The following ITPR1 variants were observed in gnomAD, a reference collection of about 807,000 sequenced individuals.
ITPR1 encodes the protein inositol 1,4,5-trisphosphate-gated calcium channel ITPR1.
A neutral mutation model predicts 318.4 loss-of-function variants in ITPR1; 96 were observed. That is an observed-to-expected ratio of 0.30 (90% CI 0.26 to 0.36). The LOEUF (loss-of-function observed/expected upper bound fraction) is 0.36, where lower values mean the gene tolerates loss of function less well. Ranked by LOEUF, ITPR1 falls within the 10% of genes least tolerant of loss-of-function variation. The probability of loss-of-function intolerance (pLI) is 1.00; values close to 1 mark genes in which losing one functional copy is unlikely to be tolerated. For synonymous variants in ITPR1, 1,312 were observed against 1,289.9 expected (o/e 1.02, Z -0.37); for missense variants, 2,440 against 3,460.2 (o/e 0.71, Z 7.40).
At chr3:4,509,355 G>A (rs556874169) in intron 2 of ITPR1, among the ~76,000 whole-genome samples, 1 of 152,326 alleles carries the variant, frequency 6.6e-6, no homozygotes, top group South Asian at 2.1e-4. Flanking sequence ...ATAAAAGTTA[G>A]AGTATCTTTC....
intron 2 of ITPR1, among the ~76,000 whole-genome samples, chr3:4,494,720 G>C (rs965186437): frequency 6.6e-6 from 1 of 152,212 alleles, no homozygotes; most frequent in Non-Finnish European, 1.5e-5. Context: ...AGAATTGAAG[G>C]AGCCTGAAAG....
chr3:4,720,412 G>A (rs141745186), intron 40 of ITPR1, among the ~76,000 whole-genome samples: 4 of 152,314 alleles, frequency 2.6e-5, no homozygotes, highest in African/African-American at 7.2e-5. Context: ...GCTTTCCTAT[G>A]CTTTAAAGTG....
chr3:4,808,597 T>C (rs1381862182), intron 55 of ITPR1, among the ~76,000 whole-genome samples: 1 of 152,230 alleles, frequency 6.6e-6, no homozygotes, highest in Non-Finnish European at 1.5e-5. Flanking sequence ...GTGTGGACCT[T>C]GACTTGTTTG....
At chr3:4,834,201 A>C (rs1173089972) in intron 60 of ITPR1, among the ~76,000 whole-genome samples, 2 of 152,180 alleles carry the variant, frequency 1.3e-5, no homozygotes, top group Non-Finnish European at 2.9e-5. Flanking sequence ...CCTGTTAAAA[A>C]GAAAATCTAG....
At chr3:4,841,610 C>G (rs2051350180) in intron 61 of ITPR1, among the ~76,000 whole-genome samples, 1 of 152,172 alleles carries the variant, frequency 6.6e-6, no homozygotes, top group African/African-American at 2.4e-5. Context: ...TATAATTAAA[C>G]TTGGTGAGTG....
At chr3:4,670,982 G>C in intron 20 of ITPR1, 56 bp downstream of exon 20, 1 of 1,261,916 alleles carries the variant, frequency 7.9e-7, no homozygotes, top group South Asian at 1.9e-5. Context: ...GTGGCACTTA[G>C]GAATTTGTTG....
At chr3:4,674,048 T>C (rs1025938228) in intron 21 of ITPR1, among the ~76,000 whole-genome samples, 154 bp from the exon 22 acceptor site, 1 of 152,100 alleles carries the variant, frequency 6.6e-6, no homozygotes, top group African/African-American at 2.4e-5. Context: ...CTCAAATATA[T>C]AGTTGGTGAT....
intron 44 of ITPR1, among the ~76,000 whole-genome samples, chr3:4,738,157 A>ATAGTTTACAT (rs1389319771): frequency 6.6e-5 from 10 of 152,240 alleles, no homozygotes; most frequent in Non-Finnish European, 1.5e-4. Context: ...GATAAACCCC[A>ATAGTTTACAT]GTGACACAAG....
chr3:4,561,825 A>G lies in ITPR1; in HGVS notation c.163+40731A>G, dbSNP rs200588180. Among the ~76,000 whole-genome samples the G allele has an allele frequency of 6.6e-5, 10 of 152,234 alleles. No individual in the cohort carries two copies. The East Asian group carries it at 1.9e-3, about 29-fold the overall frequency. On this transcript the variant is annotated intron_variant, in intron 4 of 61. Coordinates refer to ENST00000649015, the MANE Select transcript of ITPR1 (RefSeq NM_001378452.1). Reference sequence around the variant, plus strand: ...AACTATTTTAAAATATAAACAGATAACTGTTTGTTTTGCTCAAAGGTCACA... The same window carrying G: ...AACTATTTTAAAATATAAACAGATAGCTGTTTGTTTTGCTCAAAGGTCACA...
Position 4,665,312 on chromosome 3 carries a change from T to C in ITPR1, c.1713+16T>C, listed in dbSNP as rs367971785. 1.1e-5 allele frequency: 18 copies of C among 1,590,206 alleles called. No individual in the cohort carries two copies. The East Asian group carries it at 3.8e-4, about 34-fold the overall frequency. ...GAAGAACCAGGTTTGGATTAAGCATTGGTGGGATGTGGTTGTCAGTTTCCT... is the reference window on the plus strand; with the variant it reads ...GAAGAACCAGGTTTGGATTAAGCATCGGTGGGATGTGGTTGTCAGTTTCCT... On this transcript the variant is annotated intron_variant, in intron 17 of 61. Transcript: ENST00000649015.
At chr3:4,579,072 G>T (rs750990944) in intron 4 of ITPR1, among the ~76,000 whole-genome samples, 1 of 152,172 alleles carries the variant, frequency 6.6e-6, no homozygotes, top group Admixed American at 6.5e-5. Flanking sequence ...CACCATTTGG[G>T]TATTGACTTA....
chr3:4,512,736 G>A (rs183740297), intron 2 of ITPR1, among the ~76,000 whole-genome samples: 51 of 152,258 alleles, frequency 3.3e-4, no homozygotes, highest in African/African-American at 1.2e-3. Flanking sequence ...TGCTTTTCAA[G>A]CATTATTTCA....
chr3:4,625,241 C>T (rs1169244710), intron 4 of ITPR1, among the ~76,000 whole-genome samples: 3 of 143,582 alleles, frequency 2.1e-5, no homozygotes, highest in African/African-American at 7.7e-5. Flanking sequence ...TTTTTCTGAA[C>T]AGTCTCAGGT....
chr3:4,684,230 CAGT>C, intron 28 of ITPR1, 48 bp from the exon 29 acceptor site: 3 of 1,222,838 alleles, frequency 2.5e-6, no homozygotes, highest in Non-Finnish European at 3.6e-6. Flanking sequence ...AAAAAACTGA[CAGT>C]AGCCCAAGAG....
At chr3:4,730,346 C>CA (rs571957308) in intron 42 of ITPR1, among the ~76,000 whole-genome samples, 1,761 of 110,056 alleles carry the variant, frequency 0.016, 54 homozygotes, top group African/African-American at 0.054. Flanking sequence ...TAATTAAAAG[C>CA]AAAAAAAAAA....
At chr3:4,780,935 C>A (rs906761823) in intron 49 of ITPR1, among the ~76,000 whole-genome samples, 1 of 152,206 alleles carries the variant, frequency 6.6e-6, no homozygotes, top group African/African-American at 2.4e-5. Flanking sequence ...CTTGGGCAGC[C>A]CCCCGGTGGT....
intron 4 of ITPR1, among the ~76,000 whole-genome samples, chr3:4,529,559 G>A (rs1575425976): frequency 1.3e-5 from 2 of 152,246 alleles, no homozygotes; most frequent in African/African-American, 4.8e-5. Flanking sequence ...TTTCTTGTTT[G>A]ACATGTGAGA....
chr3:4,509,450 T>G (rs2081634875), intron 2 of ITPR1, among the ~76,000 whole-genome samples: 1 of 152,230 alleles, frequency 6.6e-6, no homozygotes, highest in Non-Finnish European at 1.5e-5. Context: ...GTTTCTGTTC[T>G]TGATCTAACA....
chr3:4,814,985 T>C, intron 58 of ITPR1, 68 bp from the exon 59 acceptor site: 1 of 1,332,158 alleles, frequency 7.5e-7, no homozygotes, highest in Non-Finnish European at 1.0e-6. Flanking sequence ...ACTTGAGCTG[T>C]GCCCCAGGCT....
Sources: gnomAD v4.1 joint callset for allele counts (sites outside exome capture counted in the v4.1 genomes callset) on GRCh38, gnomAD v4.1.1 for gene constraint, MANE v1.5 for transcripts, NCBI Gene and HGNC (gene_info 2026-07-23, HGNC 2026-07-21) for gene names.